EIF4E: variants seen among roughly 807,000 people sequenced by gnomAD.
EIF4E encodes the protein eukaryotic translation initiation factor 4E, also known as eIF-4F 25 kDa subunit.
For missense variants in EIF4E, 113 were observed against 265.6 expected, an observed-to-expected ratio of 0.43 and a Z score of 3.99; for synonymous variants, 71 against 88.5, an observed-to-expected ratio of 0.80 and a Z score of 1.11.
intron 1 of EIF4E, among the ~76,000 whole-genome samples, chr4:98,922,295 C>T (rs953022162): frequency 6.6e-6 from 1 of 152,262 alleles, no homozygotes; most frequent in African/African-American, 2.4e-5. Flanking sequence ...CGGTGGCTCA[C>T]GCCTGTAATC....
chr4:98,904,676 C>T (rs1300202977), intron 1 of EIF4E, among the ~76,000 whole-genome samples: 2 of 152,128 alleles, frequency 1.3e-5, no homozygotes, highest in Non-Finnish European at 2.9e-5. Context: ...GAGGCTAAGG[C>T]AAGAGAATTG....
intron 1 of EIF4E, chr4:98,909,454 G>C: frequency 1.9e-6 from 1 of 519,142 alleles, no homozygotes. Flanking sequence ...TCTCACACTT[G>C]AACACACAGC....
chr4:98,922,468 A>C (rs1427786661), intron 1 of EIF4E, among the ~76,000 whole-genome samples: 7 of 152,046 alleles, frequency 4.6e-5, no homozygotes, highest in East Asian at 3.9e-4. Context: ...AAGCAGGAGA[A>C]TCACTTGAAC....
At chr4:98,918,726 AAG>A (rs1460892913) in intron 1 of EIF4E, among the ~76,000 whole-genome samples, 1 of 152,152 alleles carries the variant, frequency 6.6e-6, no homozygotes, top group African/African-American at 2.4e-5. Flanking sequence ...CATCAGAAAA[AAG>A]AAGTGAAAAC....
intron 1 of EIF4E, among the ~76,000 whole-genome samples, chr4:98,913,662 T>C (rs1034153338): frequency 6.6e-6 from 1 of 152,160 alleles, no homozygotes; most frequent in African/African-American, 2.4e-5. Context: ...TGAAGAAATA[T>C]ATACCTTAAA....
chr4:98,906,905 T>C (rs1238982114), intron 1 of EIF4E, among the ~76,000 whole-genome samples: 1 of 152,132 alleles, frequency 6.6e-6, no homozygotes, highest in Non-Finnish European at 1.5e-5. Flanking sequence ...AAAATGGGCA[T>C]TGTGACATTT....
At chr4:98,886,440 A>G (rs1369306632) in intron 5 of EIF4E, 1 of 443,236 alleles carries the variant, frequency 2.3e-6, no homozygotes, top group Non-Finnish European at 4.5e-6. Context: ...TGGGACAGGC[A>G]CAGTGACTCA....
At chr4:98,915,761 C>T (rs945691805) in intron 1 of EIF4E, among the ~76,000 whole-genome samples, 10 of 150,502 alleles carry the variant, frequency 6.6e-5, no homozygotes, top group African/African-American at 2.4e-4. Context: ...AGGCTGATCT[C>T]GAACTCCTGA....
At chr4:98,904,908 A>G (rs1724803296) in intron 1 of EIF4E, among the ~76,000 whole-genome samples, 1 of 152,120 alleles carries the variant, frequency 6.6e-6, no homozygotes, top group Non-Finnish European at 1.5e-5. Context: ...ACTTTTAAAC[A>G]TACTAGATTT....
chr4:98,892,950 T>TAC (rs1205222333), intron 2 of EIF4E, among the ~76,000 whole-genome samples: 1 of 152,148 alleles, frequency 6.6e-6, no homozygotes, highest in Non-Finnish European at 1.5e-5. Flanking sequence ...AGCTTATATA[T>TAC]ACCTAACATA....
intron 2 of EIF4E, among the ~76,000 whole-genome samples, chr4:98,893,036 A>G (rs1455977410): frequency 6.6e-6 from 1 of 152,216 alleles, no homozygotes; most frequent in Non-Finnish European, 1.5e-5. Context: ...TATCACAATA[A>G]AGGAACTATC....
intron 2 of EIF4E, among the ~76,000 whole-genome samples, chr4:98,898,341 G>A (rs910609099): frequency 5.9e-5 from 9 of 152,234 alleles, no homozygotes; most frequent in African/African-American, 1.4e-4. Context: ...AGGTGCGGTG[G>A]CTCATGCCTG....
At chr4:98,905,325 T>C (rs541233877) in intron 1 of EIF4E, among the ~76,000 whole-genome samples, 1 of 152,292 alleles carries the variant, frequency 6.6e-6, no homozygotes, top group South Asian at 2.1e-4. Flanking sequence ...TAGCAGATTA[T>C]GGCTAATCTC....
intron 1 of EIF4E, among the ~76,000 whole-genome samples, chr4:98,908,077 G>A (rs2110206011): frequency 6.6e-6 from 1 of 152,174 alleles, no homozygotes; most frequent in South Asian, 2.1e-4. Context: ...TCTGAACAAG[G>A]AGTGGTAACC....
intron 5 of EIF4E, among the ~76,000 whole-genome samples, chr4:98,885,408 G>A (rs919049417): frequency 3.3e-5 from 5 of 152,028 alleles, no homozygotes; most frequent in Admixed American, 1.3e-4. Flanking sequence ...ATCTCCTCTT[G>A]TTCTTATTTT....
chr4:98,914,131 G>A (rs1416650562), intron 1 of EIF4E, among the ~76,000 whole-genome samples: 1 of 151,118 alleles, frequency 6.6e-6, no homozygotes, highest in Admixed American at 6.6e-5. Context: ...GCCGAGGTGG[G>A]CGGATCACGA....
chr4:98,914,250 G>C (rs1725275389), intron 1 of EIF4E, among the ~76,000 whole-genome samples: 1 of 150,930 alleles, frequency 6.6e-6, no homozygotes, highest in Non-Finnish European at 1.5e-5. Flanking sequence ...CAGCTACTTG[G>C]GAGGCTGAGG....
chr4:98,920,057 T>C (rs911999849), intron 1 of EIF4E, among the ~76,000 whole-genome samples: 4 of 152,218 alleles, frequency 2.6e-5, no homozygotes, highest in Admixed American at 6.5e-5. Flanking sequence ...TCTCAGAAAG[T>C]TCTCCTGGAC....
At chr4:98,900,890 A>C (rs2110197795) in intron 2 of EIF4E, among the ~76,000 whole-genome samples, 1 of 152,260 alleles carries the variant, frequency 6.6e-6, no homozygotes, top group Middle Eastern at 3.4e-3. Flanking sequence ...CCAACCTTCA[A>C]ACTCCACATT....
Sources: allele counts gnomAD v4.1 joint callset (sites outside exome capture counted in the v4.1 genomes callset), GRCh38; gene constraint gnomAD v4.1.1; transcripts MANE v1.5; gene names NCBI Gene and HGNC (gene_info 2026-07-23, HGNC 2026-07-21).